The following GALR2 variants were observed in gnomAD, a reference collection of about 807,000 sequenced individuals.
The protein encoded by GALR2 is galanin receptor type 2.
GALR2 carries 5 observed loss-of-function variants against 7.2 expected under a neutral mutation model. The ratio of observed to expected loss-of-function variants is 0.69; its 90% confidence interval spans 0.36 to 1.45. The LOEUF (loss-of-function observed/expected upper bound fraction) is 1.45. Among genes scored for constraint, GALR2 ranks in the 40% most tolerant of loss-of-function variants. The pLI is 0.03. For missense variants in GALR2, 561 were observed against 555.7 expected (o/e 1.01, Z -0.10); for synonymous variants, 300 against 263.9 (o/e 1.14, Z -1.32).
chr17:76,072,159 A>G, upstream of GALR2: 22 of 1,213,718 alleles, frequency 1.8e-5, no homozygotes, highest in Non-Finnish European at 2.4e-5. The surrounding 1 kb of genome is among the most constrained non-coding windows in gnomAD (Gnocchi z 4.5). Context: ...CCCCCCCCGG[A>G]ATTCTGAGCA....
At chr17:76,072,694 T>TGG (rs2066866813), upstream of GALR2, 1 of 1,068,768 alleles carries the variant, frequency 9.4e-7, no homozygotes, top group African/African-American at 1.7e-5. This position sits in a 1 kb window ranked among gnomAD's most constrained non-coding sequence, Gnocchi z 4.5. Context: ...GCTGGCTAGG[T>TGG]GGGGACTTGA....
chr17:76,075,313 C>T lies in GALR2; in HGVS notation c.368+62C>T. The T allele has an allele frequency of 6.5e-7, 1 of 1,539,620 alleles. No homozygotes were observed. The highest frequency in any genetic ancestry group is 8.7e-7 in the Non-Finnish European group (1 of 1,143,160). ...TCCACGCGGGGGATGGAGCGGGAGGCGGGACTGGGGACCAAGAAGGGACGC... is the reference window on the plus strand; with the variant it reads ...TCCACGCGGGGGATGGAGCGGGAGGTGGGACTGGGGACCAAGAAGGGACGC... On this transcript the variant is annotated intron_variant, in intron 1 of 1. Transcript: ENST00000329003. The surrounding 1 kb of genome is among the most constrained non-coding windows in gnomAD (Gnocchi z 5.9).
rs774782865 is a variant in GALR2 at position 76,077,025 on chromosome 17, A to G, written c.758A>G (p.His253Arg). Residue 253 changes from histidine to arginine, a missense_variant, in exon 2 of 2, where the codon CAC (histidine) becomes CGC (arginine). By Grantham distance (29) the His-to-Arg change is conservative. Transcript: ENST00000329003. ...TTCTGCCTCTGCTGGATGCCCCACC[A>G]CGCGCTCATCCTCTGCGTGTGGTTC... ...ALFCLCWMPH[H>R]ALILCVWFGQ... 6.2e-7 allele frequency: 1 copy of G among 1,612,360 alleles called. No individual in the cohort carries two copies. Among genetic ancestry groups the G allele is most frequent in the South Asian group, 1.1e-5 (1 of 91,068 alleles).
rs1430443513 is a variant in GALR2 at position 76,075,975 on chromosome 17, A to G, written c.369-661A>G. Among the ~76,000 whole-genome samples, 1 of 152,228 alleles carries G rather than the reference A, an allele frequency of 6.6e-6. No individual in the cohort carries two copies. Among genetic ancestry groups the G allele is most frequent in the Middle Eastern group, 3.4e-3 (1 of 294 alleles). ...AGACGCACATTCGGGAGAGCGCGGGACTCAGGTGGAGCTTGAAAGGACACT... is the reference window on the plus strand; with the variant it reads ...AGACGCACATTCGGGAGAGCGCGGGGCTCAGGTGGAGCTTGAAAGGACACT... On this transcript the variant is annotated intron_variant, in intron 1 of 1. Coordinates refer to ENST00000329003, the MANE Select transcript of GALR2 (RefSeq NM_003857.4). This position sits in a 1 kb window ranked among gnomAD's most constrained non-coding sequence, Gnocchi z 5.9.
upstream of GALR2, chr17:76,074,730 C>T (rs531638252): frequency 3.3e-5 from 26 of 780,330 alleles, no homozygotes; most frequent in East Asian, 6.2e-4. This position sits in a 1 kb window ranked among gnomAD's most constrained non-coding sequence, Gnocchi z 6.7. Flanking sequence ...CCCCAGCGCA[C>T]CCCCATCCCC....
rs758611239 is a variant in GALR2, at chr17:76,076,615, C to T, written c.369-21C>T. 6 of 1,536,132 alleles carry T rather than the reference C, an allele frequency of 3.9e-6. No homozygotes were observed. The Admixed American group carries it at 8.9e-5, about 23-fold the overall frequency. ...GAATGTGCCCGCTCAGCCGACGTCT[C>T]CCTTCCCGGTCTGACCGCAGGTATC... On this transcript the variant is annotated intron_variant, in intron 1 of 1. Transcript: ENST00000329003. This position sits in a 1 kb window ranked among gnomAD's most constrained non-coding sequence, Gnocchi z 6.5.
rs1261399197 is a variant in GALR2 at position 76,074,792 on chromosome 17, A to G, written c.-92A>G. On this transcript the variant is annotated 5_prime_UTR_variant, in exon 1 of 2. Transcript: ENST00000329003. This position sits in a 1 kb window ranked among gnomAD's most constrained non-coding sequence, Gnocchi z 6.7. Reference sequence around the variant, plus strand: ...GCCTTCAGCCCGGCAGAGTCGCACTAGGAGTTGCAGCGGCCGCAGCCCCGG... The same window carrying G: ...GCCTTCAGCCCGGCAGAGTCGCACTGGGAGTTGCAGCGGCCGCAGCCCCGG... 5.9e-5 allele frequency: 78 copies of G among 1,318,576 alleles called. No individual in the cohort carries two copies. Among genetic ancestry groups the G allele is most frequent in the Non-Finnish European group, 7.5e-5 (75 of 998,104 alleles). The allele number at this position is 1,318,576 out of a possible 1,614,324, so 81.7% of individuals were successfully genotyped here.
upstream of GALR2, among the ~76,000 whole-genome samples, chr17:76,074,212 A>C (rs2144544301): frequency 6.6e-6 from 1 of 152,234 alleles, no homozygotes; most frequent in Admixed American, 6.5e-5. This position sits in a 1 kb window ranked among gnomAD's most constrained non-coding sequence, Gnocchi z 6.7. Flanking sequence ...GCCCCTCAGA[A>C]GGCCGAGGCA....
chr17:76,075,810 C>G lies in GALR2; in HGVS notation c.368+559C>G, dbSNP rs1030646877. On this transcript the variant is annotated intron_variant, in intron 1 of 1. Transcript: ENST00000329003. This position sits in a 1 kb window ranked among gnomAD's most constrained non-coding sequence, Gnocchi z 5.9. ...CCACTCCGGAGTCCCAGCGAGCGTG[C>G]CTAAAGGTCCCTAGCTCAGTCCCAG... Among the ~76,000 whole-genome samples, 4 of 152,212 alleles carry G rather than the reference C, an allele frequency of 2.6e-5. No individual in the cohort carries two copies. Among genetic ancestry groups the G allele is most frequent in the African/African-American group, 9.6e-5 (4 of 41,458 alleles).
chr17:76,074,739 C>T (rs1245580951), upstream of GALR2: 3 of 870,786 alleles, frequency 3.4e-6, no homozygotes, highest in African/African-American at 1.8e-5. This position sits in a 1 kb window ranked among gnomAD's most constrained non-coding sequence, Gnocchi z 6.7. Flanking sequence ...ACCCCCATCC[C>T]CGCCCCAGAT....
chr17:76,072,001 G>A, upstream of GALR2: 1 of 495,794 alleles, frequency 2.0e-6, no homozygotes, highest in Non-Finnish European at 3.5e-6. The surrounding 1 kb of genome is among the most constrained non-coding windows in gnomAD (Gnocchi z 4.5). Context: ...AAAGCAAGGT[G>A]CTCAAGGTGT....
upstream of GALR2, chr17:76,072,542 G>A (rs1435989693): frequency 1.3e-6 from 2 of 1,551,842 alleles, no homozygotes; most frequent in African/African-American, 1.4e-5. The surrounding 1 kb of genome is among the most constrained non-coding windows in gnomAD (Gnocchi z 4.5). Flanking sequence ...GGGACGACCT[G>A]GGCGGGTGAG....
upstream of GALR2, chr17:76,072,417 G>A (rs1555630560): frequency 2.5e-6 from 4 of 1,583,588 alleles, no homozygotes; most frequent in African/African-American, 2.7e-5. The surrounding 1 kb of genome is among the most constrained non-coding windows in gnomAD (Gnocchi z 4.5). Flanking sequence ...CGCCGCTACC[G>A]CCGCCGCCAC....
upstream of GALR2, chr17:76,072,465 G>A (rs781014954): frequency 1.9e-6 from 3 of 1,578,730 alleles, no homozygotes; most frequent in South Asian, 1.1e-5. This position sits in a 1 kb window ranked among gnomAD's most constrained non-coding sequence, Gnocchi z 4.5. Flanking sequence ...CGCCGCCGCC[G>A]CCTGGGACCT....
chr17:76,072,185 G>A, upstream of GALR2: 1 of 1,553,508 alleles, frequency 6.4e-7, no homozygotes, highest in South Asian at 1.2e-5. This position sits in a 1 kb window ranked among gnomAD's most constrained non-coding sequence, Gnocchi z 4.5. Context: ...AGGTAAGGGC[G>A]AGAGAAACTG....
rs572132258 is a variant in GALR2, at chr17:76,076,280, C to T, written c.369-356C>T. ...CACCGTCACCAGTGGGTAGTCACAG[C>T]CTCCCGGAGCCCATAGCCGGTTCTC... On this transcript the variant is annotated intron_variant, in intron 1 of 1. Transcript: ENST00000329003. The surrounding 1 kb of genome is among the most constrained non-coding windows in gnomAD (Gnocchi z 6.5). Among the ~76,000 whole-genome samples the T allele has an allele frequency of 1.3e-5, 2 of 152,224 alleles. No individual in the cohort carries two copies. The highest frequency in any genetic ancestry group is 2.9e-5 in the Non-Finnish European group (2 of 68,032).
rs754913641 is a variant in GALR2, at chr17:76,075,051, G to C, written c.168G>C (p.Ala56=). Reference sequence around the variant, plus strand: ...CGGTGCTGCTGCGCGGCGGCCAGGCGGTCAGCACTACCAACCTGTTCATCC... The same window carrying C: ...CGGTGCTGCTGCGCGGCGGCCAGGCCGTCAGCACTACCAACCTGTTCATCC... The part of the protein sequence containing the change: ...VLAVLLRGGQ[A]VSTTNLFILN... Residue 56 remains alanine, a synonymous_variant, in exon 1 of 2, where the codon GCG becomes GCC. Transcript: ENST00000329003. The surrounding 1 kb of genome is among the most constrained non-coding windows in gnomAD (Gnocchi z 5.9). 5 of 1,611,314 alleles carry C rather than the reference G, an allele frequency of 3.1e-6. No homozygotes were observed. The East Asian group carries it at 8.9e-5, about 29-fold the overall frequency.
chr17:76,073,970 A>T (rs1020580872), upstream of GALR2, among the ~76,000 whole-genome samples: 1 of 152,028 alleles, frequency 6.6e-6, no homozygotes, highest in Admixed American at 6.6e-5. Context: ...ACATGGTGAA[A>T]CCCCATTTCT....
chr17:76,077,070 G>A lies in GALR2; in HGVS notation c.803G>A (p.Arg268His), dbSNP rs779866373. Residue 268 changes from arginine (R) to histidine (H), a missense_variant, in exon 2 of 2, where the codon CGC becomes CAC. Physicochemically the swap from Arg to His is conservative, Grantham distance 29. Transcript: ENST00000329003. ...CVWFGQFPLT[R>H]ATYALRILSH... is the part of the protein sequence containing the mutation. The stretch of plus-strand genomic sequence containing the variant: ...TGGTTCGGCCAGTTCCCGCTCACGC[G>A]CGCCACTTATGCGCTTCGCATCCTC... The A allele has an allele frequency of 9.9e-6, 16 of 1,613,022 alleles. No individual in the cohort carries two copies. The highest frequency in any genetic ancestry group is 1.4e-5 in the Non-Finnish European group (16 of 1,179,904).
Sources: gnomAD v4.1 joint callset for allele counts (sites outside exome capture counted in the v4.1 genomes callset) on GRCh38, gnomAD v4.1.1 for gene constraint, Gnocchi (gnomAD v3.1) non-coding constraint, MANE v1.5 for transcripts, NCBI Gene and HGNC (gene_info 2026-07-23, HGNC 2026-07-21) for gene names.